Variants in MTMR6 observed in about 807,000 individuals in gnomAD.
MTMR6 encodes myotubularin related protein 6, also known as phosphatidylinositol-3,5-bisphosphate 3-phosphatase MTMR6.
A neutral mutation model predicts 80.1 loss-of-function variants in MTMR6; 47 were observed. The ratio of observed to expected loss-of-function variants is 0.59; its 90% confidence interval spans 0.46 to 0.75. MTMR6 has a LOEUF of 0.75. Among genes scored for constraint, MTMR6 ranks in the 30% least tolerant of loss-of-function variants. The probability of loss-of-function intolerance (pLI) is 0.00; values close to 1 mark genes in which losing one functional copy is unlikely to be tolerated. For missense variants in MTMR6, 629 were observed against 730.9 expected (o/e 0.86, Z 1.61); for synonymous variants, 254 against 253.0 (o/e 1.00, Z -0.04).
At position 25,261,709 on chromosome 13, in the gene MTMR6, G is replaced by C. The variant is rs149526134; in HGVS notation, c.685C>G (p.Pro229Ala). ...HLLQAISKAN[P>A]VNRYMYVMDT... ...ATGACGTACATATAGCGATTGACTG[G>C]ATTGGCTTTACTAATGGCTTGAAGC... The change falls in exon 6 of 14, where the codon CCA becomes GCA. Residue 229 changes from proline to alanine, a missense_variant. By Grantham distance (27) the Pro-to-Ala change is conservative (BLOSUM62 -1). Coordinates refer to ENST00000381801, the MANE Select transcript of MTMR6 (RefSeq NM_004685.5). 1,214 of 1,613,630 alleles carry C rather than the reference G, an allele frequency of 7.5e-4. No homozygotes were observed. The highest frequency in any genetic ancestry group is 9.7e-4 in the Non-Finnish European group (1,147 of 1,179,694).
intron 1 of MTMR6, among the ~76,000 whole-genome samples, chr13:25,274,939 GACAC>G (rs1555250640): frequency 1.2e-4 from 5 of 42,966 alleles, no homozygotes; most frequent in Admixed American, 2.6e-4. Flanking sequence ...CTAGTAGACA[GACAC>G]ACACACACAC....
chr13:25,250,599 A>G (rs1323274692), intron 13 of MTMR6, among the ~76,000 whole-genome samples: 3 of 152,252 alleles, frequency 2.0e-5, no homozygotes, highest in Non-Finnish European at 2.9e-5. Flanking sequence ...ATGGAAATCC[A>G]AAACTGAAAA....
intron 2 of MTMR6, among the ~76,000 whole-genome samples, chr13:25,270,821 T>C (rs550347093): frequency 6.6e-6 from 1 of 152,284 alleles, no homozygotes; most frequent in African/African-American, 2.4e-5. Context: ...GAGAACAGTA[T>C]GACAGTATGT....
intron 7 of MTMR6, among the ~76,000 whole-genome samples, chr13:25,258,221 A>G (rs1442963040): frequency 1.3e-5 from 2 of 152,162 alleles, no homozygotes; most frequent in Admixed American, 6.5e-5. Context: ...TTGCAAAACC[A>G]TTAGAATTGT....
In MTMR6 at chr13:25,249,198, G is replaced by C. The variant is rs922962176; in HGVS notation, c.*34C>G. 1.1e-5 allele frequency: 17 copies of C among 1,600,006 alleles called. No individual in the cohort carries two copies. The highest frequency in any genetic ancestry group is 1.5e-5 in the Non-Finnish European group (17 of 1,170,950). On this transcript the variant is annotated 3_prime_UTR_variant, in exon 14 of 14. Coordinates refer to ENST00000381801, the MANE Select transcript of MTMR6 (RefSeq NM_004685.5). ...CCATCCTCACAATAATCCTTTTCTT[G>C]TACTGCAATCATTGCAGAAAAAACT... is the stretch of plus-strand genomic sequence containing the variant.
intron 1 of MTMR6, among the ~76,000 whole-genome samples, chr13:25,278,925 GCA>G (rs1239131811): frequency 6.6e-6 from 1 of 151,892 alleles, no homozygotes; most frequent in Non-Finnish European, 1.5e-5. Flanking sequence ...TTACATGCAC[GCA>G]CACACTCAAA....
At chr13:25,255,722 C>A (rs1022571055) in intron 9 of MTMR6, among the ~76,000 whole-genome samples, 1 of 152,116 alleles carries the variant, frequency 6.6e-6, no homozygotes, top group African/African-American at 2.4e-5. Context: ...CAGGGTTTCA[C>A]CATATTGGCC....
At chr13:25,257,494 G>GAAAA (rs1025526051) in intron 8 of MTMR6, among the ~76,000 whole-genome samples, 173 bp from the exon 9 acceptor site, 13 of 149,070 alleles carry the variant, frequency 8.7e-5, no homozygotes, top group Non-Finnish European at 1.5e-5. Flanking sequence ...AAAAACACAA[G>GAAAA]CAAACAAACA....
chr13:25,269,430 A>G (rs1957521663), intron 2 of MTMR6, among the ~76,000 whole-genome samples: 1 of 152,156 alleles, frequency 6.6e-6, no homozygotes, highest in Non-Finnish European at 1.5e-5. Context: ...CTCACCTACT[A>G]CCAATAATAT....
chr13:25,274,297 A>T, intron 1 of MTMR6, 110 bp from the exon 2 acceptor site: 2 of 619,924 alleles, frequency 3.2e-6, no homozygotes, highest in South Asian at 4.3e-5. Context: ...TCCTAAAATC[A>T]TAAGAGCTTA....
In MTMR6 at chr13:25,257,206, T is replaced by C. The variant is rs778804235; in HGVS notation, c.1085A>G (p.Lys362Arg). 8.1e-6 allele frequency: 13 copies of C among 1,613,304 alleles called. No homozygotes were observed. Among genetic ancestry groups the C allele is most frequent in the Non-Finnish European group, 1.1e-5 (13 of 1,179,642 alleles). Residue 362 changes from lysine (K) to arginine (R), a missense_variant, in exon 9 of 14, where the codon AAA (lysine) becomes AGA (arginine). Coordinates refer to ENST00000381801, the MANE Select transcript of MTMR6 (RefSeq NM_004685.5). ...CAAATAAATCCTTACCATGAATCCT[T>C]TGATTGTCCTGTAGTAGGAATCCAA... ...LLLDSYYRTI[K>R]GFMVLIEKDW...
chr13:25,262,079 G>A (rs563411313), intron 5 of MTMR6, among the ~76,000 whole-genome samples: 1 of 152,276 alleles, frequency 6.6e-6, no homozygotes, highest in South Asian at 2.1e-4. Context: ...TCTCTGTGAA[G>A]TAACCTACTG....
intron 2 of MTMR6, among the ~76,000 whole-genome samples, chr13:25,269,533 C>A (rs957839580): frequency 6.6e-6 from 1 of 152,032 alleles, no homozygotes; most frequent in African/African-American, 2.4e-5. Context: ...AGATCATAGG[C>A]TCCTAATCAT....
At chr13:25,286,014 C>T (rs1957948270) in intron 1 of MTMR6, among the ~76,000 whole-genome samples, 1 of 152,032 alleles carries the variant, frequency 6.6e-6, no homozygotes, top group African/African-American at 2.4e-5. Context: ...GCACCTTCTA[C>T]GAGTTTGGTT....
At chr13:25,284,577 G>A (rs140662114) in intron 1 of MTMR6, among the ~76,000 whole-genome samples, 7 of 152,156 alleles carry the variant, frequency 4.6e-5, no homozygotes, top group Non-Finnish European at 8.8e-5. Context: ...GACACTCTAC[G>A]GTCAATTTTG....
intron 1 of MTMR6, among the ~76,000 whole-genome samples, chr13:25,277,956 G>C (rs1957761120): frequency 6.6e-6 from 1 of 152,110 alleles, no homozygotes; most frequent in Non-Finnish European, 1.5e-5. Flanking sequence ...CTCTTTGTTA[G>C]ATCTTTAATT....
intron 11 of MTMR6, among the ~76,000 whole-genome samples, chr13:25,252,330 T>C (rs1957108037): frequency 6.6e-6 from 1 of 152,212 alleles, no homozygotes; most frequent in African/African-American, 2.4e-5. Flanking sequence ...AACAAGACAC[T>C]AATGCATCTT....
chr13:25,266,350 G>T, intron 3 of MTMR6, 64 bp from the exon 4 acceptor site: 3 of 1,365,556 alleles, frequency 2.2e-6, no homozygotes, highest in Non-Finnish European at 3.0e-6. Context: ...ACAAATAAAT[G>T]TAATTTTTCA....
At chr13:25,277,941 A>T (rs1402666846) in intron 1 of MTMR6, among the ~76,000 whole-genome samples, 1 of 152,200 alleles carries the variant, frequency 6.6e-6, no homozygotes, top group Non-Finnish European at 1.5e-5. Flanking sequence ...AAATAATCTG[A>T]AATTCTCTTT....
Sources: gnomAD v4.1 joint callset for allele counts (sites outside exome capture counted in the v4.1 genomes callset) on GRCh38, gnomAD v4.1.1 for gene constraint, MANE v1.5 for transcripts, NCBI Gene and HGNC (gene_info 2026-07-23, HGNC 2026-07-21) for gene names.